Variants in SH3D19 observed in about 807,000 individuals in gnomAD.
The protein encoded by SH3D19 is SH3 domain-containing protein 19.
A neutral mutation model predicts 112.1 loss-of-function variants in SH3D19; 58 were observed. The ratio of observed to expected loss-of-function variants is 0.52; its 90% CI spans 0.42 to 0.64. SH3D19 has a LOEUF of 0.64. Among genes scored for constraint, SH3D19 ranks in the 30% least tolerant of loss-of-function variants. SH3D19 has a pLI of 0.00. For missense variants in SH3D19, 1,090 were observed against 1,263.4 expected (o/e 0.86, Z 2.08); for synonymous variants, 391 against 448.5 (o/e 0.87, Z 1.62).
chr4:151,137,454 T>C (rs924523070), intron 14 of SH3D19, among the ~76,000 whole-genome samples: 7 of 152,190 alleles, frequency 4.6e-5, no homozygotes, highest in African/African-American at 1.7e-4. Context: ...CCTTAAGTGC[T>C]TAACAACTCT....
intron 17 of SH3D19, among the ~76,000 whole-genome samples, chr4:151,131,258 C>T (rs1750622064): frequency 1.3e-5 from 2 of 150,062 alleles, no homozygotes; most frequent in African/African-American, 4.9e-5. Context: ...CATTTTTTAT[C>T]CTTTTCTTAG....
At chr4:151,260,524 T>C (rs1772293219) in intron 1 of SH3D19, among the ~76,000 whole-genome samples, 1 of 152,238 alleles carries the variant, frequency 6.6e-6, no homozygotes, top group Non-Finnish European at 1.5e-5. Flanking sequence ...AAATATACTT[T>C]GACTCTAACA....
intron 8 of SH3D19, 129 bp downstream of exon 8, chr4:151,165,460 T>G: frequency 1.5e-6 from 1 of 689,022 alleles, no homozygotes; most frequent in Non-Finnish European, 2.3e-6. Context: ...GAAAAAACAA[T>G]TTGCTTTTAA....
intron 1 of SH3D19, among the ~76,000 whole-genome samples, chr4:151,308,947 G>A (rs79517256): frequency 6.6e-6 from 1 of 151,664 alleles, no homozygotes; most frequent in East Asian, 1.9e-4. Flanking sequence ...TTGGCTTACT[G>A]CAGCCCCCAC....
intron 1 of SH3D19, among the ~76,000 whole-genome samples, chr4:151,310,311 C>T (rs1025842899): frequency 6.6e-6 from 1 of 151,696 alleles, no homozygotes; most frequent in Non-Finnish European, 1.5e-5. Context: ...TGGTTTAAGG[C>T]TGCAGTGAGC....
intron 1 of SH3D19, among the ~76,000 whole-genome samples, chr4:151,298,329 C>T (rs965508199): frequency 1.3e-5 from 2 of 151,890 alleles, no homozygotes; most frequent in Non-Finnish European, 2.9e-5. Flanking sequence ...AGGCACCCGC[C>T]GCCATGCCCA....
intron 1 of SH3D19, among the ~76,000 whole-genome samples, chr4:151,321,323 G>A (rs1433130323): frequency 2.0e-5 from 3 of 152,030 alleles, no homozygotes; most frequent in South Asian, 2.1e-4. Flanking sequence ...AATCTCGTCC[G>A]CCTATTCCCC....
At position 151,193,940 on chromosome 4, in the gene SH3D19, T is replaced by C. The variant is rs551258408; in HGVS notation, c.153-6477A>G. On this transcript the variant is annotated intron_variant, in intron 2 of 19. Coordinates refer to ENST00000604030, the MANE Select transcript of SH3D19 (RefSeq NM_001378122.1). The stretch of plus-strand genomic sequence containing the variant: ...AAGTGATCTATAGAAAGAGTTTATA[T>C]AGAAAACCTAAAAAGACAAAAAGGG... 9.3e-5 allele frequency among the ~76,000 whole-genome samples: 14 copies of C among 151,334 alleles called. 1 individual carries two copies. The South Asian group carries it at 2.1e-3, about 23-fold the overall frequency.
intron 1 of SH3D19, among the ~76,000 whole-genome samples, chr4:151,234,292 AACTG>A (rs1430439011): frequency 6.6e-6 from 1 of 152,250 alleles, no homozygotes; most frequent in Non-Finnish European, 1.5e-5. Flanking sequence ...TGTTGAATTC[AACTG>A]ACTATTGAAT....
intron 1 of SH3D19, among the ~76,000 whole-genome samples, chr4:151,295,739 C>G (rs1243090122): frequency 6.6e-6 from 1 of 152,076 alleles, no homozygotes; most frequent in Non-Finnish European, 1.5e-5. Context: ...TAAAAGAACC[C>G]TAGAAAACGG....
Position 151,202,118 on chromosome 4 carries a change from G to A in SH3D19, c.153-14655C>T, listed in dbSNP as rs559140179. Among the ~76,000 whole-genome samples the A allele has an allele frequency of 3.4e-3, 523 of 152,082 alleles. 5 individuals are homozygous for A. Among genetic ancestry groups the A allele is most frequent in the African/African-American group, 0.012 (489 of 41,492 alleles). The stretch of plus-strand genomic sequence containing the variant: ...TAGGAGGCCGAGGCAGGTGGATCAC[G>A]AGGTCAGGAGATCGAGACCATCCTG... On this transcript the variant is annotated intron_variant, in intron 2 of 19. Transcript: ENST00000604030.
intron 7 of SH3D19, among the ~76,000 whole-genome samples, chr4:151,169,028 C>T (rs562225597): frequency 6.6e-6 from 1 of 152,248 alleles, no homozygotes; most frequent in South Asian, 2.1e-4. Flanking sequence ...AACGTGCTTG[C>T]TGTGGGAAGA....
chr4:151,291,212 C>T (rs1197786824), intron 1 of SH3D19: 1 of 1,613,790 alleles, frequency 6.2e-7, no homozygotes, highest in East Asian at 2.2e-5. Flanking sequence ...AAATCTCTTC[C>T]TGGAGTCTAC....
At chr4:151,202,907 G>A (rs1438928770) in intron 2 of SH3D19, among the ~76,000 whole-genome samples, 1 of 152,142 alleles carries the variant, frequency 6.6e-6, no homozygotes, top group Admixed American at 6.6e-5. Context: ...TAAAACTGGG[G>A]CTTCAATTTT....
At chr4:151,157,712 T>C (rs1240716139) in intron 9 of SH3D19, among the ~76,000 whole-genome samples, 1 of 151,498 alleles carries the variant, frequency 6.6e-6, no homozygotes, top group African/African-American at 2.4e-5. Flanking sequence ...GATAAATGGA[T>C]ACAGAAAATG....
At chr4:151,279,987 G>T in intron 1 of SH3D19, 1 of 1,328,014 alleles carries the variant, frequency 7.5e-7, no homozygotes. Context: ...CTAACACACA[G>T]ACAGGTTCTC....
chr4:151,280,790 T>TA lies in SH3D19; in HGVS notation c.112+44450dup, dbSNP rs899848488. On this transcript the variant is annotated intron_variant, in intron 1 of 19. Coordinates refer to ENST00000604030, the MANE Select transcript of SH3D19 (RefSeq NM_001378122.1). ...GGGCGACAGAGTGAGACCCTGTCTC[T>TA]AAAAAAAAAATTAAGTTTAAAAAAA... Among the ~76,000 whole-genome samples, 12 of 147,216 alleles carry TA rather than the reference T, an allele frequency of 8.2e-5. No homozygotes were observed. In the South Asian group the frequency reaches 8.6e-4, roughly 11 times the overall value.
intron 1 of SH3D19, among the ~76,000 whole-genome samples, chr4:151,311,755 A>G (rs1349836589): frequency 6.6e-6 from 1 of 152,104 alleles, no homozygotes; most frequent in African/African-American, 2.4e-5. Flanking sequence ...TGGGAAGACC[A>G]TTTGAGCCCG....
chr4:151,211,072 A>G (rs2149906940), intron 2 of SH3D19, among the ~76,000 whole-genome samples: 1 of 152,282 alleles, frequency 6.6e-6, no homozygotes, highest in African/African-American at 2.4e-5. Context: ...ATACCTGACT[A>G]TCTTGTAAAA....
Sources: gnomAD v4.1 joint callset for allele counts (sites outside exome capture counted in the v4.1 genomes callset) on GRCh38, gnomAD v4.1.1 for gene constraint, MANE v1.5 for transcripts, NCBI Gene and HGNC (gene_info 2026-07-23, HGNC 2026-07-21) for gene names.